FAT1: variants seen among roughly 807,000 people sequenced by gnomAD.
FAT1 encodes FAT atypical cadherin 1, also known as protocadherin Fat 1.
Under a neutral mutation model 329.8 loss-of-function variants are expected in FAT1, and 171 were observed. The ratio of observed to expected loss-of-function variants is 0.52; its 90% CI spans 0.46 to 0.59. FAT1 has a LOEUF of 0.59. FAT1 is among the 20% of genes least tolerant of loss of function. The probability of loss-of-function intolerance (pLI) is 0.00; values close to 1 mark genes in which losing one functional copy is unlikely to be tolerated. For synonymous variants in FAT1, 2,233 were observed against 2,228.6 expected, an observed-to-expected ratio of 1.00 and a Z score of -0.06; for missense variants, 5,672 against 5,774.4, an observed-to-expected ratio of 0.98 and a Z score of 0.57.
rs755584529 is a variant in FAT1 at position 186,628,497 on chromosome 4, G to C, written c.4590C>G (p.Leu1530=). The C allele has an allele frequency of 1.2e-6, 2 of 1,614,064 alleles. No homozygotes were observed. Among genetic ancestry groups the C allele is most frequent in the East Asian group, 4.5e-5 (2 of 44,892 alleles). ...LDHEAVHQHT[L]TVMVRDQDVP... ...CGGGTAGAGCGCCTACCATGACCGT[G>C]AGGGTGTGCTGGTGAACAGCTTCAT... Residue 1530 remains leucine, a synonymous_variant, in exon 8 of 27, where the codon CTC becomes CTG. Transcript: ENST00000441802.
chr4:186,651,923 A>G (rs1394279036), intron 3 of FAT1, among the ~76,000 whole-genome samples: 1 of 152,192 alleles, frequency 6.6e-6, no homozygotes, highest in African/African-American at 2.4e-5. Flanking sequence ...TCCCTGAAGT[A>G]CTGGTGCCGG....
chr4:186,590,588 T>C, intron 26 of FAT1: 1 of 459,438 alleles, frequency 2.2e-6, no homozygotes, highest in Non-Finnish European at 4.3e-6. Context: ...GTACCACAAA[T>C]AAAATGGAAT....
intron 2 of FAT1, among the ~76,000 whole-genome samples, chr4:186,700,440 G>A (rs547494298): frequency 1.3e-5 from 2 of 152,240 alleles, no homozygotes; most frequent in African/African-American, 2.4e-5. Flanking sequence ...GACTGCCACC[G>A]CGACGGAATT....
chr4:186,694,268 C>T (rs1026305420), intron 2 of FAT1, among the ~76,000 whole-genome samples: 2 of 152,250 alleles, frequency 1.3e-5, no homozygotes, highest in Non-Finnish European at 2.9e-5. Context: ...CTCTCAAATG[C>T]AACTTGCTAT....
intron 4 of FAT1, 55 bp downstream of exon 4, chr4:186,639,667 C>A (rs1472464630): frequency 1.7e-6 from 2 of 1,187,070 alleles, no homozygotes; most frequent in South Asian, 2.6e-5. Flanking sequence ...TTGTTCTTTC[C>A]CATGATACTT....
Position 186,588,654 on chromosome 4 carries a change from C to T in FAT1, c.13705G>A (p.Asp4569Asn), listed in dbSNP as rs771965001. 5 of 1,613,924 alleles carry T rather than the reference C, an allele frequency of 3.1e-6. No individual in the cohort carries two copies. Among genetic ancestry groups the T allele is most frequent in the South Asian group, 2.2e-5 (2 of 91,066 alleles). ...VMMSDYESGD[D>N]GHFEEVTIPP... is the part of the protein sequence containing the mutation. ...ATCGTCACCTCTTCGAAGTGGCCGT[C>T]GTCCCCGCTCTCATAGTCACTCATC... is the stretch of plus-strand genomic sequence containing the variant. Residue 4569 changes from aspartate to asparagine, a missense_variant, in exon 27 of 27, where the codon GAC becomes AAC. Asp to Asn is a conservative substitution (Grantham distance 23, BLOSUM62 1). Around this residue, in one of 2 missense-constraint regions of FAT1, gnomAD observed 1,706 missense variants for 1,859.1 expected, o/e 0.92. Coordinates refer to ENST00000441802, the MANE Select transcript of FAT1 (RefSeq NM_005245.4).
At position 186,604,412 on chromosome 4, in the gene FAT1, T is replaced by A. The variant is rs1250451635; in HGVS notation, c.10513A>T (p.Arg3505Trp). The A allele has an allele frequency of 5.0e-6, 8 of 1,613,638 alleles. No individual in the cohort carries two copies. The highest frequency in any genetic ancestry group is 6.8e-6 in the Non-Finnish European group (8 of 1,179,802). The change falls in exon 18 of 27, where the codon AGG becomes TGG. Residue 3505 changes from arginine to tryptophan, a missense_variant. By Grantham distance (101) the Arg-to-Trp change is moderately radical. Transcript: ENST00000441802. ...AGTAAGTAATGATCTTTCTCCTTCC[T>A]CTTGATGGCAGATGATGTCAGGAGG... ...GVLLTSSAIK[R>W]KEKDHYLLQV...
At chr4:186,682,147 G>T (rs1048509710) in intron 2 of FAT1, among the ~76,000 whole-genome samples, 1 of 152,168 alleles carries the variant, frequency 6.6e-6, no homozygotes, top group African/African-American at 2.4e-5. Flanking sequence ...GAAAACCTAG[G>T]TTGCCACCCA....
rs187913037 is a variant in FAT1, at chr4:186,703,076, G to A, written c.3265+3487C>T. 3.0e-3 allele frequency among the ~76,000 whole-genome samples: 459 copies of A among 152,192 alleles called. 1 individual carries two copies. Among genetic ancestry groups the A allele is most frequent in the Middle Eastern group, 6.8e-3 (2 of 294 alleles). On this transcript the variant is annotated intron_variant, in intron 2 of 26. Transcript: ENST00000441802. ...CCTCTCCCCTTCCAGACCTCACATGGAAGGGCAGTCACGTGGCATGGATCT... is the reference window on the plus strand; with the variant it reads ...CCTCTCCCCTTCCAGACCTCACATGAAAGGGCAGTCACGTGGCATGGATCT...
rs977844865 is a variant in FAT1, at chr4:186,600,136, G to T, written c.11865C>A (p.His3955Gln). 6.2e-7 allele frequency: 1 copy of T among 1,614,048 alleles called. No homozygotes were observed. Among genetic ancestry groups the T allele is most frequent in the South Asian group, 1.1e-5 (1 of 91,084 alleles). ...CATGCCTTGTTCCCTGCTGACGGAT[G>T]TGGCCACCAAAAAACACATAGTTAT... ...NLDNYVFFGG[H>Q]IRQQGTRHGR... The change falls in exon 22 of 27, where the codon CAC (histidine) becomes CAA (glutamine). Residue 3955 changes from histidine to glutamine, a missense_variant. Physicochemically the swap from His to Gln is conservative, Grantham distance 24. Around this residue, in one of 2 missense-constraint regions of FAT1, gnomAD observed 1,706 missense variants for 1,859.1 expected, o/e 0.92. Coordinates refer to ENST00000441802, the MANE Select transcript of FAT1 (RefSeq NM_005245.4).
chr4:186,660,358 A>C (rs1464965910), intron 3 of FAT1, among the ~76,000 whole-genome samples: 1 of 152,198 alleles, frequency 6.6e-6, no homozygotes, highest in Non-Finnish European at 1.5e-5. Context: ...AGATCTAATG[A>C]AGCTATATTT....
chr4:186,698,849 A>T (rs1363511062), intron 2 of FAT1, among the ~76,000 whole-genome samples: 1 of 152,206 alleles, frequency 6.6e-6, no homozygotes, highest in African/African-American at 2.4e-5. Context: ...CTCAAGAATC[A>T]CGTCTGTATT....
intron 2 of FAT1, among the ~76,000 whole-genome samples, chr4:186,686,242 C>A (rs538875603): frequency 3.4e-5 from 5 of 147,068 alleles, no homozygotes; most frequent in Admixed American, 6.9e-5. Flanking sequence ...ATTTTCACCC[C>A]CCCCCGACAT....
intron 26 of FAT1, chr4:186,590,550 G>C (rs1402477358): frequency 4.2e-6 from 2 of 473,532 alleles, no homozygotes; most frequent in Admixed American, 2.3e-5. Flanking sequence ...CAGTATCTAT[G>C]ACAATTCCAA....
At position 186,606,078 on chromosome 4, in the gene FAT1, T is replaced by C. The variant is rs371339711; in HGVS notation, c.10342A>G (p.Ile3448Val). The C allele has an allele frequency of 9.3e-6, 15 of 1,612,826 alleles. No homozygotes were observed. In the African/African-American group the frequency reaches 1.9e-4, roughly 20 times the overall value. Residue 3448 changes from isoleucine to valine, a missense_variant, in exon 17 of 27, where the codon ATT (isoleucine) becomes GTT (valine). Physicochemically the swap from Ile to Val is conservative, Grantham distance 29 (BLOSUM62 3). This residue lies in a region of FAT1 where 1,706 missense variants were observed against 1,859.1 expected (regional missense o/e 0.92). Coordinates refer to ENST00000441802, the MANE Select transcript of FAT1 (RefSeq NM_005245.4). ...PVFSRGNYSV[I>V]IQENKPVGFS... ...TGGCACTCGAAGCCCACCTGGATAA[T>C]GACACTGTAGTTTCCCCTGGAGAAG...
At chr4:186,697,719 A>G (rs73873699) in intron 2 of FAT1, among the ~76,000 whole-genome samples, 4,361 of 152,300 alleles carry the variant, frequency 0.029, 195 homozygotes, top group African/African-American at 0.099. Flanking sequence ...TGCAGGTTGT[A>G]AGGCATTATA....
chr4:186,640,529 C>G (rs894115204), intron 3 of FAT1, among the ~76,000 whole-genome samples: 5 of 152,108 alleles, frequency 3.3e-5, no homozygotes, highest in African/African-American at 1.2e-4. Flanking sequence ...AGTGTTAACT[C>G]TAATTTATTA....
At chr4:186,604,293 G>C (rs988226061) in intron 18 of FAT1, 84 bp downstream of exon 18, 1 of 1,134,682 alleles carries the variant, frequency 8.8e-7, no homozygotes, top group East Asian at 2.4e-5. Context: ...TGAAATGTAA[G>C]CTGTTCAAAT....
chr4:186,640,238 G>A (rs1024153819), intron 3 of FAT1, among the ~76,000 whole-genome samples: 11 of 152,030 alleles, frequency 7.2e-5, no homozygotes, highest in East Asian at 5.8e-4. Flanking sequence ...TTCCAGGTAC[G>A]GTTATTTTGT....
Sources: allele counts gnomAD v4.1 joint callset (sites outside exome capture counted in the v4.1 genomes callset), GRCh38; gene constraint gnomAD v4.1.1; regional missense constraint gnomAD v4.1.1; transcripts MANE v1.5; gene names NCBI Gene and HGNC (gene_info 2026-07-23, HGNC 2026-07-21).